The following NDST4 variants were observed in gnomAD, a reference collection of about 807,000 sequenced individuals.
The protein encoded by NDST4 is N-deacetylase and N-sulfotransferase 4, also known as N-heparan sulfate sulfotransferase 4.
In NDST4, 63 loss-of-function variants were observed where a neutral mutation model predicts 100.8. The ratio of observed to expected loss-of-function variants is 0.62; its 90% CI spans 0.51 to 0.77. NDST4 has a LOEUF of 0.77. NDST4 is among the 30% of genes least tolerant of loss of function. NDST4 has a pLI of 0.00. For synonymous variants in NDST4, 377 were observed against 361.8 expected, an observed-to-expected ratio of 1.04 and a Z score of -0.48; for missense variants, 943 against 1,018.4, an observed-to-expected ratio of 0.93 and a Z score of 1.01.
chr4:114,931,816 A>T (rs1725522198), intron 6 of NDST4, among the ~76,000 whole-genome samples: 1 of 151,904 alleles, frequency 6.6e-6, no homozygotes, highest in African/African-American at 2.4e-5. Flanking sequence ...ATCTGAACAG[A>T]CCAATAACGA....
intron 6 of NDST4, among the ~76,000 whole-genome samples, chr4:114,911,031 A>G (rs568236603): frequency 6.6e-6 from 1 of 152,306 alleles, no homozygotes; most frequent in Non-Finnish European, 1.5e-5. Flanking sequence ...TTCTCCATTC[A>G]CTAATCAGAT....
chr4:114,945,078 A>T (rs113731016), intron 4 of NDST4, among the ~76,000 whole-genome samples: 5,943 of 152,040 alleles, frequency 0.039, 176 homozygotes, highest in Middle Eastern at 0.078. Context: ...CTGTGGTGGC[A>T]CATGCCTGTA....
intron 6 of NDST4, among the ~76,000 whole-genome samples, chr4:114,930,376 C>A (rs1396459912): frequency 1.3e-5 from 2 of 152,072 alleles, no homozygotes; most frequent in Admixed American, 6.5e-5. Context: ...CCCAACAGAC[C>A]TTTTGTTTTG....
chr4:115,085,921 A>G (rs989729149), intron 1 of NDST4, among the ~76,000 whole-genome samples: 1 of 152,194 alleles, frequency 6.6e-6, no homozygotes, highest in African/African-American at 2.4e-5. Flanking sequence ...CAGCAGAGGT[A>G]AGTAGTGCTT....
intron 4 of NDST4, among the ~76,000 whole-genome samples, chr4:114,963,221 G>C (rs1726302733): frequency 6.6e-6 from 1 of 152,036 alleles, no homozygotes; most frequent in Admixed American, 6.6e-5. Flanking sequence ...AAATATGATA[G>C]AGCCATACAA....
chr4:115,023,842 T>C (rs1456672174), intron 2 of NDST4, among the ~76,000 whole-genome samples: 1 of 152,124 alleles, frequency 6.6e-6, no homozygotes, highest in Non-Finnish European at 1.5e-5. Flanking sequence ...GCCCATGCTA[T>C]AGGAGGGCAG....
intron 7 of NDST4, 139 bp downstream of exon 7, chr4:114,870,629 G>C (rs1718616098): frequency 1.3e-5 from 8 of 630,168 alleles, no homozygotes; most frequent in Admixed American, 4.3e-5. Flanking sequence ...TTGAGGAAGA[G>C]GATAAAAGTA....
chr4:115,079,407 G>A lies in NDST4; in HGVS notation c.-246-2125C>T, dbSNP rs532193123. Among the ~76,000 whole-genome samples, 4 of 151,264 alleles carry A rather than the reference G, an allele frequency of 2.6e-5. No homozygotes were observed. The East Asian group carries it at 7.8e-4, about 29-fold the overall frequency. On this transcript the variant is annotated intron_variant, in intron 1 of 13. Coordinates refer to ENST00000264363, the MANE Select transcript of NDST4 (RefSeq NM_022569.3). Reference sequence around the variant, plus strand: ...ATCCCAAACTGCTTCATCACGAATGGACATAATTTTCCATTATTATTAGAT... The same window carrying A: ...ATCCCAAACTGCTTCATCACGAATGAACATAATTTTCCATTATTATTAGAT...
At chr4:114,861,988 A>G (rs577810688) in intron 7 of NDST4, among the ~76,000 whole-genome samples, 54 of 152,286 alleles carry the variant, frequency 3.5e-4, no homozygotes, top group African/African-American at 1.3e-3. Context: ...GTTTATATAT[A>G]TAAGTATAGT....
At chr4:114,990,110 G>T (rs984936998) in intron 2 of NDST4, among the ~76,000 whole-genome samples, 3 of 152,006 alleles carry the variant, frequency 2.0e-5, no homozygotes, top group Non-Finnish European at 4.4e-5. Flanking sequence ...TTGAAGAAAA[G>T]ATGATAGAAT....
rs560245532 is a variant in NDST4, at chr4:115,003,681, T to C, written c.979-26407A>G. 7.2e-5 allele frequency among the ~76,000 whole-genome samples: 11 copies of C among 151,998 alleles called. 1 individual carries two copies. The South Asian group carries it at 1.7e-3, about 23-fold the overall frequency. ...AGGAGTTTGAGGCCAGCCTGACCAA[T>C]ATAGTGAAACTCCATCTCTACTAAA... On this transcript the variant is annotated intron_variant, in intron 2 of 13. Coordinates refer to ENST00000264363, the MANE Select transcript of NDST4 (RefSeq NM_022569.3).
At chr4:115,014,950 A>G (rs1272402734) in intron 2 of NDST4, among the ~76,000 whole-genome samples, 1 of 152,092 alleles carries the variant, frequency 6.6e-6, no homozygotes, top group Admixed American at 6.6e-5. Flanking sequence ...GTGTGTATGA[A>G]CAGTTCTAGG....
At chr4:115,093,493 AAAG>A (rs1406116959) in intron 1 of NDST4, among the ~76,000 whole-genome samples, 2 of 152,032 alleles carry the variant, frequency 1.3e-5, no homozygotes, top group African/African-American at 4.8e-5. Context: ...AAAAAAAAAT[AAAG>A]AAGACCTAAA....
At chr4:114,881,632 T>A (rs989966996) in intron 6 of NDST4, among the ~76,000 whole-genome samples, 13 of 152,046 alleles carry the variant, frequency 8.6e-5, no homozygotes, top group Non-Finnish European at 1.5e-5. Flanking sequence ...AGTACACCAA[T>A]GAGAAGCCAG....
At chr4:114,935,145 G>A (rs2126225213) in intron 6 of NDST4, 61 bp downstream of exon 6, 2 of 1,285,192 alleles carry the variant, frequency 1.6e-6, no homozygotes, top group East Asian at 2.8e-5. Flanking sequence ...TAAAAGACAG[G>A]AAAATAAAAC....
chr4:115,029,053 A>G (rs941629860), intron 2 of NDST4, among the ~76,000 whole-genome samples: 3 of 152,132 alleles, frequency 2.0e-5, no homozygotes, highest in South Asian at 2.1e-4. Context: ...GGTCACTTGA[A>G]AAAAGTGAGA....
At chr4:115,097,428 T>C (rs1729641000) in intron 1 of NDST4, among the ~76,000 whole-genome samples, 1 of 152,102 alleles carries the variant, frequency 6.6e-6, no homozygotes, top group Admixed American at 6.6e-5. Context: ...GGAACTCTCT[T>C]TCTCTCTATC....
chr4:115,012,855 G>C (rs1727584427), intron 2 of NDST4, among the ~76,000 whole-genome samples: 1 of 151,978 alleles, frequency 6.6e-6, no homozygotes, highest in African/African-American at 2.4e-5. Flanking sequence ...TATGCACAAT[G>C]GAGTATTATT....
chr4:114,954,444 G>A (rs1187212483), intron 4 of NDST4, among the ~76,000 whole-genome samples: 2 of 151,986 alleles, frequency 1.3e-5, no homozygotes, highest in Admixed American at 6.6e-5. Flanking sequence ...TGAATTAAAC[G>A]GATTGAGGTA....
Sources: allele counts gnomAD v4.1 joint callset (sites outside exome capture counted in the v4.1 genomes callset), GRCh38; gene constraint gnomAD v4.1.1; transcripts MANE v1.5; gene names NCBI Gene and HGNC (gene_info 2026-07-23, HGNC 2026-07-21).